The following LRRC8C variants were observed in gnomAD, a reference collection of about 807,000 sequenced individuals.
The protein encoded by LRRC8C is leucine rich repeat containing 8 VRAC subunit C.
In LRRC8C, 20 loss-of-function variants were observed where a neutral mutation model predicts 55.3. That is an observed-to-expected ratio of 0.36 (90% confidence interval 0.25 to 0.53). The LOEUF (loss-of-function observed/expected upper bound fraction) is 0.53. Among genes scored for constraint, LRRC8C ranks in the 20% least tolerant of loss-of-function variants. LRRC8C has a pLI of 0.92. For synonymous variants in LRRC8C, 376 were observed against 360.7 expected (o/e 1.04, Z -0.48); for missense variants, 659 against 951.4 (o/e 0.69, Z 4.04).
intron 1 of LRRC8C, among the ~76,000 whole-genome samples, chr1:89,643,100 G>C (rs1028675743): frequency 7.3e-5 from 11 of 150,284 alleles, no homozygotes; most frequent in African/African-American, 2.2e-4. Flanking sequence ...TTTGTTGTTT[G>C]TTTGTTTTTG....
In LRRC8C at chr1:89,699,447, A is replaced by T. The variant is rs182894415; in HGVS notation, c.138+12836A>T. On this transcript the variant is annotated intron_variant, in intron 2 of 2. Transcript: ENST00000370454. The stretch of plus-strand genomic sequence containing the variant: ...TACCACTGTGGTTGAGCTTGGTGAT[A>T]ATGGGGAGGGCTATACATGGATGGA... Among the ~76,000 whole-genome samples the T allele has an allele frequency of 2.1e-3, 316 of 152,280 alleles. 3 individuals carry two copies. The highest frequency in any genetic ancestry group is 7.1e-3 in the African/African-American group (296 of 41,544).
intron 2 of LRRC8C, among the ~76,000 whole-genome samples, chr1:89,709,158 G>A (rs997945470): frequency 5.3e-5 from 8 of 152,240 alleles, no homozygotes; most frequent in Non-Finnish European, 1.0e-4. Flanking sequence ...TCTCTACAAA[G>A]CCATCCTAGC....
At chr1:89,616,370 G>A in the LRRC8C span, among the ~76,000 whole-genome samples, 1 of 152,128 alleles carries the variant, frequency 6.6e-6, no homozygotes. Context: ...CAGGGGCGTG[G>A]GAACAGCATT....
At chr1:89,649,888 C>G (rs1656710598) in intron 1 of LRRC8C, among the ~76,000 whole-genome samples, 1 of 152,164 alleles carries the variant, frequency 6.6e-6, no homozygotes, top group Admixed American at 6.5e-5. Flanking sequence ...CTCTTTGTTT[C>G]AAAGTGAATT....
intron 2 of LRRC8C, among the ~76,000 whole-genome samples, chr1:89,710,405 C>A (rs562092494): frequency 3.3e-5 from 5 of 151,710 alleles, no homozygotes; most frequent in Non-Finnish European, 7.4e-5. Context: ...GAAAACTTTT[C>A]TTTATATTTA....
chr1:89,668,982 A>G (rs1317363883), intron 1 of LRRC8C, among the ~76,000 whole-genome samples: 4 of 152,196 alleles, frequency 2.6e-5, no homozygotes, highest in Non-Finnish European at 2.9e-5. Context: ...ACACCGATAA[A>G]TTCTTATTCT....
At chr1:89,669,978 T>C (rs1657372855) in intron 1 of LRRC8C, among the ~76,000 whole-genome samples, 1 of 152,186 alleles carries the variant, frequency 6.6e-6, no homozygotes, top group African/African-American at 2.4e-5. Context: ...AGATTCTATG[T>C]CATTTGCAGA....
the LRRC8C span, among the ~76,000 whole-genome samples, chr1:89,618,045 A>G: frequency 6.6e-6 from 1 of 152,144 alleles, no homozygotes; most frequent in African/African-American, 2.4e-5. Context: ...CATTATATAT[A>G]TATGACTGAT....
At chr1:89,640,531 T>A (rs567683145) in intron 1 of LRRC8C, among the ~76,000 whole-genome samples, 1 of 152,344 alleles carries the variant, frequency 6.6e-6, no homozygotes, top group South Asian at 2.1e-4. Context: ...GAGAAATTAC[T>A]ATGAGAATGG....
chr1:89,695,217 C>T (rs747884238), intron 2 of LRRC8C, among the ~76,000 whole-genome samples: 5 of 152,100 alleles, frequency 3.3e-5, no homozygotes, highest in East Asian at 1.9e-4. Flanking sequence ...CCACCGCGCC[C>T]GGCCCTATAT....
rs757308113 is a variant in LRRC8C at position 89,689,572 on chromosome 1, A to AGCAGTTGT, written c.138+2962_138+2969dup. Among the ~76,000 whole-genome samples, 287 of 152,298 alleles carry AGCAGTTGT rather than the reference A, an allele frequency of 1.9e-3. 2 individuals carry two copies. Among genetic ancestry groups the AGCAGTTGT allele is most frequent in the Non-Finnish European group, 3.1e-3 (210 of 68,030 alleles). On this transcript the variant is annotated intron_variant, in intron 2 of 2. Transcript: ENST00000370454. Reference sequence around the variant, plus strand: ...AATTAAATGGTTTGAGTAGGGTGAAAGCAGTTGTTCTGCATGTATTTTGAA... The same window carrying AGCAGTTGT: ...AATTAAATGGTTTGAGTAGGGTGAAAGCAGTTGTGCAGTTGTTCTGCATGTATTTTGAA...
In LRRC8C at chr1:89,714,927, A is replaced by T. The variant is rs1658770245; in HGVS notation, c.2357A>T (p.Asp786Val). The T allele has an allele frequency of 6.2e-7, 1 of 1,609,332 alleles. No individual in the cohort carries two copies. ...AAGCGAGCTGGTTTAGTTGTAGAAG[A>T]TGCTCTGTTTGAAACTCTGCCTTCT... The part of the protein sequence containing the change: ...ALKRAGLVVE[D>V]ALFETLPSDV... The change falls in exon 3 of 3, where the codon GAT becomes GTT. Residue 786 changes from aspartate to valine, a missense_variant. By Grantham distance (152) the Asp-to-Val change is radical (BLOSUM62 -3). Transcript: ENST00000370454. The surrounding 1 kb of genome is among the most constrained non-coding windows in gnomAD (Gnocchi z 4.6).
upstream of LRRC8C, chr1:89,632,175 TG>T (rs1282044346): frequency 6.6e-6 from 1 of 152,250 alleles, no homozygotes; most frequent in East Asian, 1.9e-4. Flanking sequence ...AACAGAGAGC[TG>T]CCAGCTTTCA....
chr1:89,678,668 C>T (rs1022139745), intron 1 of LRRC8C, among the ~76,000 whole-genome samples: 3 of 150,140 alleles, frequency 2.0e-5, no homozygotes, highest in African/African-American at 7.3e-5. Flanking sequence ...CCATTGCACT[C>T]CAGCCTGGGC....
chr1:89,652,956 GCAT>G (rs1656831873), intron 1 of LRRC8C, among the ~76,000 whole-genome samples: 1 of 152,146 alleles, frequency 6.6e-6, no homozygotes, highest in South Asian at 2.1e-4. Context: ...TGTTCCCCTG[GCAT>G]TATGGAGGAA....
chr1:89,644,898 G>A lies in LRRC8C; in HGVS notation c.-5+11576G>A, dbSNP rs141451805. On this transcript the variant is annotated intron_variant, in intron 1 of 2. Transcript: ENST00000370454. ...AAGACAGTTTAGTTTCAGTATAACC[G>A]AGTCAATGGCCTGCTAAAGCTAAAA... Among the ~76,000 whole-genome samples the A allele has an allele frequency of 8.5e-5, 13 of 152,252 alleles. No homozygotes were observed. The East Asian group carries it at 9.7e-4, about 11-fold the overall frequency.
chr1:89,707,240 C>G (rs967939541), intron 2 of LRRC8C, among the ~76,000 whole-genome samples: 1 of 152,042 alleles, frequency 6.6e-6, no homozygotes. Flanking sequence ...AACCGCATCT[C>G]TACTAAAAAT....
At chr1:89,681,836 G>T (rs1482307057) in intron 1 of LRRC8C, among the ~76,000 whole-genome samples, 1 of 152,114 alleles carries the variant, frequency 6.6e-6, no homozygotes, top group East Asian at 1.9e-4. Context: ...TTTATATGTA[G>T]GATACATGTA....
At chr1:89,664,258 G>T (rs1657197323) in intron 1 of LRRC8C, among the ~76,000 whole-genome samples, 1 of 152,006 alleles carries the variant, frequency 6.6e-6, no homozygotes, top group Admixed American at 6.6e-5. Context: ...TTTCTTCTAG[G>T]GTTTTTATGG....
Sources: gnomAD v4.1 joint callset for allele counts (sites outside exome capture counted in the v4.1 genomes callset) on GRCh38, gnomAD v4.1.1 for gene constraint, Gnocchi (gnomAD v3.1) non-coding constraint, MANE v1.5 for transcripts, NCBI Gene and HGNC (gene_info 2026-07-23, HGNC 2026-07-21) for gene names.